Variants in DGCR8 observed in about 807,000 individuals in gnomAD.
The protein encoded by DGCR8 is microprocessor complex subunit DGCR8.
DGCR8 carries 14 observed loss-of-function variants against 78.5 expected under a neutral mutation model. The observed-to-expected ratio is 0.18, with a 90% CI of 0.12 to 0.28. The LOEUF is 0.28. Ranked by LOEUF, DGCR8 falls within the 10% of genes least tolerant of loss-of-function variation. The pLI is 1.00. For missense variants in DGCR8, 702 were observed against 1,022.5 expected, an observed-to-expected ratio of 0.69 and a Z score of 4.28; for synonymous variants, 399 against 402.4, an observed-to-expected ratio of 0.99 and a Z score of 0.10.
At chr22:20,083,484 C>G (rs966120247) in intron 1 of DGCR8, among the ~76,000 whole-genome samples, 13 of 151,982 alleles carry the variant, frequency 8.6e-5, no homozygotes, top group African/African-American at 2.9e-4. Context: ...AAGGAGCTCA[C>G]TCACTTGTAA....
Position 20,087,461 on chromosome 22 carries a change from C to CT in DGCR8, c.880+141dup. The CT allele has an allele frequency of 2.0e-6, 2 of 986,866 alleles. No individual in the cohort carries two copies. The highest frequency in any genetic ancestry group is 2.9e-6 in the Non-Finnish European group (2 of 687,372). The allele number at this position is 986,866 out of a possible 1,614,324, so 61.1% of individuals were successfully genotyped here. The stretch of plus-strand genomic sequence containing the variant: ...ATGTTTGAGGACAGGACAGAAATAT[C>CT]TGAGGAGGGAAACACAGGATGGGAG... On this transcript the variant is annotated intron_variant, in intron 3 of 13. Transcript: ENST00000351989. The surrounding 1 kb of genome is among the most constrained non-coding windows in gnomAD (Gnocchi z 4.1).
Position 20,111,687 on chromosome 22 carries a change from A to C in DGCR8, c.*1579A>C, listed in dbSNP as rs1602502963. ...GCACCACCACAGCAGGTGCTGCCAT[A>C]CTCTTGTGGTCTCTGTGCGCCCCCC... On this transcript the variant is annotated 3_prime_UTR_variant, in exon 14 of 14. Transcript: ENST00000351989. The C allele has an allele frequency of 2.3e-5, 5 of 218,678 alleles. No individual in the cohort carries two copies. The highest frequency in any genetic ancestry group is 6.2e-5 in the East Asian group (1 of 16,202). 13.5% of individuals were successfully genotyped at this position (218,678 alleles called of 1,614,324 possible). A position where few individuals can be genotyped will look rare whatever the true frequency, so the allele number is the denominator to read the frequency against.
rs960759394 is a variant in DGCR8 at position 20,087,828 on chromosome 22, G to C, written c.880+507G>C. Among the ~76,000 whole-genome samples the C allele has an allele frequency of 3.9e-5, 6 of 152,216 alleles. No individual in the cohort carries two copies. ...TGCACTTCAGCTGGGCAGGGTGGAA[G>C]TGCCCTGGTCGACGTGGCACTTCCT... On this transcript the variant is annotated intron_variant, in intron 3 of 13. Transcript: ENST00000351989. This position sits in a 1 kb window ranked among gnomAD's most constrained non-coding sequence, Gnocchi z 4.1.
At chr22:20,101,471 G>A (rs1000571492) in intron 9 of DGCR8, 49 of 745,758 alleles carry the variant, frequency 6.6e-5, no homozygotes, top group Non-Finnish European at 7.4e-5. Flanking sequence ...CCAGCTACTC[G>A]GGAGGCTGAG....
At chr22:20,088,296 T>G (rs1380173874) in intron 3 of DGCR8, among the ~76,000 whole-genome samples, 1 of 152,118 alleles carries the variant, frequency 6.6e-6, no homozygotes, top group East Asian at 1.9e-4. Flanking sequence ...AGTCTTGACC[T>G]CGGGGCCTCT....
In DGCR8 at chr22:20,090,087, G is replaced by T; in HGVS notation, c.1135G>T (p.Val379Phe). 1 of 1,614,214 alleles carries T rather than the reference G, an allele frequency of 6.2e-7. No homozygotes were observed. Among genetic ancestry groups the T allele is most frequent in the Non-Finnish European group, 8.5e-7 (1 of 1,180,040 alleles). The change falls in exon 5 of 14, where the codon GTC (valine) becomes TTC (phenylalanine). Residue 379 changes from valine (V) to phenylalanine (F), a missense_variant. This residue lies in a region of DGCR8 where 119 missense variants were observed against 126.1 expected (regional missense o/e 0.94). Transcript: ENST00000351989. ...CACCCCTAGTGGGGATGTGTCCCCC[G>T]TCAAGCCCCTGAGCCGATCTGCAGA... ...DLTPSGDVSP[V>F]KPLSRSAELE...
At chr22:20,109,834 G>A (rs966124756) in intron 13 of DGCR8, among the ~76,000 whole-genome samples, 191 bp from the exon 14 acceptor site, 2 of 152,214 alleles carry the variant, frequency 1.3e-5, no homozygotes, top group African/African-American at 4.8e-5. Flanking sequence ...AATGCAGGGG[G>A]CCTCTGCAAT....
At chr22:20,109,238 CA>C (rs1333327793) in intron 13 of DGCR8, 3 of 411,240 alleles carry the variant, frequency 7.3e-6, no homozygotes, top group Non-Finnish European at 1.4e-5. Flanking sequence ...GTTGGTGGAC[CA>C]TGAAGGTCAC....
intron 9 of DGCR8, chr22:20,101,255 A>G (rs2049697379): frequency 3.0e-6 from 3 of 985,260 alleles, no homozygotes; most frequent in Middle Eastern, 1.0e-3. Flanking sequence ...CCCTCCTGAG[A>G]AGCTCTTTGA....
chr22:20,108,934 G>T lies in DGCR8; in HGVS notation c.2169G>T (p.Lys723Asn). The change falls in exon 13 of 14, where the codon AAG becomes AAT. Residue 723 changes from lysine to asparagine, a missense_variant. Physicochemically the swap from Lys to Asn is moderately conservative, Grantham distance 94 (BLOSUM62 0). Transcript: ENST00000351989. Reference protein sequence around the residue: ...KSVIELQQYAKKNKPNLHILS... With the variant: ...KSVIELQQYANKNKPNLHILS... ...TGATTGAGCTGCAGCAGTATGCCAA[G>T]AAGAACAAGCCCAACCTGCACATCC... 1 of 1,611,968 alleles carries T rather than the reference G, an allele frequency of 6.2e-7. No homozygotes were observed. Among genetic ancestry groups the T allele is most frequent in the Non-Finnish European group, 8.5e-7 (1 of 1,178,202 alleles).
intron 1 of DGCR8, among the ~76,000 whole-genome samples, chr22:20,084,077 C>T (rs550645255): frequency 4.0e-4 from 61 of 152,326 alleles, no homozygotes; most frequent in African/African-American, 1.4e-3. Flanking sequence ...TGTCCAGGCC[C>T]TGTGACCTTG....
chr22:20,100,906 GC>G (rs1195575105), intron 9 of DGCR8: 1 of 910,444 alleles, frequency 1.1e-6, no homozygotes, highest in Admixed American at 6.2e-5. Context: ...TCCTGTGCCA[GC>G]CGCAAATGGG....
At chr22:20,108,724 C>T (rs775965425) in intron 12 of DGCR8, 166 bp from the exon 13 acceptor site, 7 of 494,874 alleles carry the variant, frequency 1.4e-5, no homozygotes, top group East Asian at 4.0e-5. Flanking sequence ...ATCACTGAGG[C>T]GGGCCAGTCA....
chr22:20,106,898 G>T, intron 11 of DGCR8, 200 bp downstream of exon 11: 1 of 592,690 alleles, frequency 1.7e-6, no homozygotes, highest in East Asian at 2.8e-5. Context: ...CCTTTCCCCC[G>T]CTGTCACCCC....
rs758082594 is a variant in DGCR8, at chr22:20,090,254, C to T, written c.1302C>T (p.Ser434=). 2.6e-5 allele frequency: 41 copies of T among 1,589,992 alleles called. 1 individual carries two copies. Among genetic ancestry groups the T allele is most frequent in the Non-Finnish European group, 1.3e-5 (15 of 1,171,928 alleles). ...KAKVEVCKDE[S]VDLEEFRSYL... is the part of the protein sequence containing the mutation. The stretch of plus-strand genomic sequence containing the variant: ...AAGTCGAGGTGTGCAAAGATGAATC[C>T]GTTGGTGAGTTTTTGAAGGACTCTT... Residue 434 remains serine, a synonymous_variant, in exon 5 of 14, where the codon TCC becomes TCT. Transcript: ENST00000351989.
intron 1 of DGCR8, among the ~76,000 whole-genome samples, chr22:20,084,512 C>T (rs2049455742): frequency 6.6e-6 from 1 of 152,138 alleles, no homozygotes; most frequent in Non-Finnish European, 1.5e-5. Context: ...CATCCTTAAC[C>T]CTCATCTCTG....
intron 8 of DGCR8, among the ~76,000 whole-genome samples, chr22:20,093,978 G>A (rs1185584202): frequency 6.6e-6 from 1 of 152,202 alleles, no homozygotes; most frequent in Admixed American, 6.5e-5. Flanking sequence ...AGAGACTTTT[G>A]CAGCTCAACA....
Position 20,092,927 on chromosome 22 carries a change from G to A in DGCR8, c.1705+20G>A. 1.2e-6 allele frequency: 2 copies of A among 1,601,222 alleles called. No individual in the cohort carries two copies. Among genetic ancestry groups the A allele is most frequent in the Non-Finnish European group, 1.7e-6 (2 of 1,169,308 alleles). On this transcript the variant is annotated intron_variant, in intron 8 of 13. Transcript: ENST00000351989. ...AAGCTGGTAACGTGCTTGCTTGGGT[G>A]TCAAAGATACGTGCTGCCTGCTGTG...
In DGCR8 at chr22:20,087,196, A is replaced by G. The variant is rs1302492661; in HGVS notation, c.755A>G (p.Glu252Gly). ...DFDNDVDALL[E>G]EGLCAPKKRR... is the part of the protein sequence containing the mutation. ...GACAACGATGTGGATGCTCTGCTGG[A>G]AGAAGGCCTTTGTGCCCCCAAAAAG... The change falls in exon 3 of 14, where the codon GAA (glutamate) becomes GGA (glycine). Residue 252 changes from glutamate (E) to glycine (G), a missense_variant. Physicochemically the swap from Glu to Gly is moderately conservative, Grantham distance 98. Around this residue, in one of 4 missense-constraint regions of DGCR8, gnomAD observed 356 missense variants for 448.9 expected, o/e 0.79. Coordinates refer to ENST00000351989, the MANE Select transcript of DGCR8 (RefSeq NM_022720.7). This position sits in a 1 kb window ranked among gnomAD's most constrained non-coding sequence, Gnocchi z 4.1. 6.2e-7 allele frequency: 1 copy of G among 1,613,616 alleles called. No individual in the cohort carries two copies. The highest frequency in any genetic ancestry group is 8.5e-7 in the Non-Finnish European group (1 of 1,179,598).
Sources: allele counts gnomAD v4.1 joint callset (sites outside exome capture counted in the v4.1 genomes callset), GRCh38; gene constraint gnomAD v4.1.1; regional missense constraint gnomAD v4.1.1; non-coding constraint Gnocchi (gnomAD v3.1); transcripts MANE v1.5; gene names NCBI Gene and HGNC (gene_info 2026-07-23, HGNC 2026-07-21).